Variants in BMERB1 observed in about 807,000 individuals in gnomAD.
BMERB1 encodes bMERB domain-containing protein 1.
A neutral mutation model predicts 23.6 loss-of-function variants in BMERB1; 12 were observed. The observed-to-expected ratio is 0.51, with a 90% confidence interval of 0.33 to 0.82. The LOEUF (loss-of-function observed/expected upper bound fraction) is 0.82, where lower values mean the gene tolerates loss of function less well. BMERB1 is among the 40% of genes least tolerant of loss of function. BMERB1 has a pLI of 0.03. For synonymous variants in BMERB1, 122 were observed against 96.6 expected, an observed-to-expected ratio of 1.26 and a Z score of -1.54; for missense variants, 247 against 255.4, an observed-to-expected ratio of 0.97 and a Z score of 0.22.
intron 2 of BMERB1, among the ~76,000 whole-genome samples, chr16:15,560,160 G>A (rs539461276): frequency 1.3e-4 from 20 of 152,296 alleles, no homozygotes; most frequent in African/African-American, 4.6e-4. Flanking sequence ...GTCCTGCAGC[G>A]TGAATCCCGT....
At chr16:15,524,533 T>A (rs998178917) in intron 2 of BMERB1, among the ~76,000 whole-genome samples, 3 of 152,080 alleles carry the variant, frequency 2.0e-5, no homozygotes, top group African/African-American at 7.2e-5. Context: ...TTTGGGAGGC[T>A]GAGGCAGGTG....
At chr16:15,490,742 G>C (rs1368962641) in intron 1 of BMERB1, among the ~76,000 whole-genome samples, 1 of 152,256 alleles carries the variant, frequency 6.6e-6, no homozygotes, top group Non-Finnish European at 1.5e-5. Flanking sequence ...CCTCTGCAAA[G>C]ATCTGTGATG....
intron 1 of BMERB1, among the ~76,000 whole-genome samples, chr16:15,440,525 T>G (rs1278067321): frequency 6.6e-6 from 1 of 152,210 alleles, no homozygotes; most frequent in African/African-American, 2.4e-5. Context: ...TTGAACTATC[T>G]TCTGTTTGGT....
chr16:15,551,447 G>T (rs942267692), intron 2 of BMERB1, among the ~76,000 whole-genome samples: 3 of 152,212 alleles, frequency 2.0e-5, no homozygotes, highest in Non-Finnish European at 4.4e-5. Flanking sequence ...GGGATAACAA[G>T]GGGGCTATGG....
intron 1 of BMERB1, among the ~76,000 whole-genome samples, chr16:15,445,959 A>G (rs1415213475): frequency 6.6e-6 from 1 of 152,226 alleles, no homozygotes; most frequent in East Asian, 1.9e-4. Flanking sequence ...GGATCACAAA[A>G]TCATCATGCT....
chr16:15,572,507 G>C (rs547382227), intron 3 of BMERB1, among the ~76,000 whole-genome samples: 20 of 152,146 alleles, frequency 1.3e-4, no homozygotes, highest in Non-Finnish European at 2.8e-4. Context: ...TTGTGGTGAT[G>C]GTTGCACAAC....
At chr16:15,530,246 A>G (rs1382406014) in intron 2 of BMERB1, among the ~76,000 whole-genome samples, 1 of 152,182 alleles carries the variant, frequency 6.6e-6, no homozygotes, top group Non-Finnish European at 1.5e-5. Context: ...GCTACTTCTC[A>G]AGGCTATCAC....
At chr16:15,559,885 T>C (rs1372783322) in intron 2 of BMERB1, among the ~76,000 whole-genome samples, 1 of 152,076 alleles carries the variant, frequency 6.6e-6, no homozygotes, top group Non-Finnish European at 1.5e-5. Flanking sequence ...AGAATTGTCT[T>C]GGACCACACA....
At chr16:15,515,191 TC>T (rs2150951402) in intron 1 of BMERB1, 113 bp from the exon 2 acceptor site, 24 of 1,440,582 alleles carry the variant, frequency 1.7e-5, no homozygotes, top group Middle Eastern at 4.9e-4. Flanking sequence ...CTGAAGTCTG[TC>T]CTCAAGGTGT....
At chr16:15,550,042 C>G (rs995459042) in intron 2 of BMERB1, among the ~76,000 whole-genome samples, 4 of 151,866 alleles carry the variant, frequency 2.6e-5, no homozygotes, top group African/African-American at 4.8e-5. Context: ...CTCCACCTCC[C>G]GGGTTCACGC....
At chr16:15,583,061 C>A in intron 4 of BMERB1, 95 bp from the exon 5 acceptor site, 1 of 921,590 alleles carries the variant, frequency 1.1e-6, no homozygotes, top group Non-Finnish European at 1.8e-6. Flanking sequence ...ATCCACAAAG[C>A]CTGTTGCTTA....
At chr16:15,557,648 G>T (rs987969315) in intron 2 of BMERB1, among the ~76,000 whole-genome samples, 3 of 152,160 alleles carry the variant, frequency 2.0e-5, no homozygotes, top group Non-Finnish European at 2.9e-5. Context: ...TGTTTGCCTG[G>T]GACTGAGAGG....
At chr16:15,562,496 T>C (rs975084847) in intron 2 of BMERB1, among the ~76,000 whole-genome samples, 2 of 152,010 alleles carry the variant, frequency 1.3e-5, no homozygotes, top group African/African-American at 2.4e-5. Flanking sequence ...ATCAATAATT[T>C]GATAATTCTG....
chr16:15,468,424 C>A (rs1239093276), intron 1 of BMERB1, among the ~76,000 whole-genome samples: 1 of 152,060 alleles, frequency 6.6e-6, no homozygotes, highest in African/African-American at 2.4e-5. Context: ...GGATTACAGG[C>A]ATGAGCCACC....
At chr16:15,556,325 G>A (rs182056105) in intron 2 of BMERB1, among the ~76,000 whole-genome samples, 1 of 152,226 alleles carries the variant, frequency 6.6e-6, no homozygotes, top group Admixed American at 6.6e-5. Context: ...CACCCACACT[G>A]CCTGTGCAAA....
chr16:15,586,919 A>C lies in BMERB1; in HGVS notation c.*90A>C. The C allele has an allele frequency of 1.1e-6, 1 of 880,656 alleles. No individual in the cohort carries two copies. Among genetic ancestry groups the C allele is most frequent in the South Asian group, 1.7e-5 (1 of 57,836 alleles). 54.6% of individuals were successfully genotyped at this position (880,656 alleles called of 1,614,324 possible). A position where few individuals can be genotyped will look rare whatever the true frequency, so the allele number is the denominator to read the frequency against. On this transcript the variant is annotated 3_prime_UTR_variant, in exon 6 of 6. Transcript: ENST00000300006. ...TTTCACCGGGGCCCAAGAGCTCTCC[A>C]AGGCAGAAGGGGTTGAAGGCAAGCC...
rs371178261 is a variant in BMERB1, at chr16:15,458,623, A to G, written c.106+23864A>G. Among the ~76,000 whole-genome samples the G allele has an allele frequency of 4.0e-5, 6 of 151,742 alleles. No homozygotes were observed. In the East Asian group the frequency reaches 1.2e-3, roughly 30 times the overall value. The stretch of plus-strand genomic sequence containing the variant: ...TTCCAGCTACTTGGGGGGCTGATGC[A>G]GGAGGATTGTTTGAGCCCAGAAGGT... On this transcript the variant is annotated intron_variant, in intron 1 of 5. Transcript: ENST00000300006.
intron 3 of BMERB1, among the ~76,000 whole-genome samples, chr16:15,568,643 A>T (rs940814211): frequency 2.0e-5 from 3 of 152,292 alleles, no homozygotes; most frequent in East Asian, 3.9e-4. Flanking sequence ...GTCTCAAAAA[A>T]ATATATAATT....
chr16:15,484,695 C>G (rs1024337295), intron 1 of BMERB1, among the ~76,000 whole-genome samples: 2 of 152,186 alleles, frequency 1.3e-5, no homozygotes, highest in African/African-American at 4.8e-5. Context: ...AGCCACCGCA[C>G]CTGGCCTCTT....
Sources: allele counts gnomAD v4.1 joint callset (sites outside exome capture counted in the v4.1 genomes callset), GRCh38; gene constraint gnomAD v4.1.1; transcripts MANE v1.5; gene names NCBI Gene and HGNC (gene_info 2026-07-23, HGNC 2026-07-21).